Variants in PID1 observed in about 807,000 individuals in gnomAD.
PID1 encodes the protein phosphotyrosine interaction domain containing 1, also known as PTB-containing, cubilin and LRP1-interacting protein.
In PID1, 10 loss-of-function variants were observed where a neutral mutation model predicts 19.1. The observed-to-expected ratio is 0.52, with a 90% CI of 0.32 to 0.89. The LOEUF (loss-of-function observed/expected upper bound fraction) is 0.89. Ranked by LOEUF, PID1 falls within the 40% of genes least tolerant of loss-of-function variation. The pLI, the probability that PID1 is intolerant of heterozygous loss-of-function variation, is 0.03. For synonymous variants in PID1, 130 were observed against 116.0 expected, an observed-to-expected ratio of 1.12 and a Z score of -0.78; for missense variants, 248 against 285.3, an observed-to-expected ratio of 0.87 and a Z score of 0.94.
intron 2 of PID1, among the ~76,000 whole-genome samples, chr2:229,072,602 A>T (rs1303319386): frequency 6.6e-6 from 1 of 152,170 alleles, no homozygotes; most frequent in Non-Finnish European, 1.5e-5. Context: ...AAGAAAAAAA[A>T]AAAAAAGATA....
intron 1 of PID1, among the ~76,000 whole-genome samples, chr2:229,168,849 G>A (rs910499350): frequency 1.3e-5 from 2 of 152,154 alleles, no homozygotes; most frequent in Non-Finnish European, 2.9e-5. Context: ...GGGGTTTCAA[G>A]TCAATCTAGT....
At chr2:229,224,087 T>A (rs1692028574) in intron 1 of PID1, among the ~76,000 whole-genome samples, 1 of 152,248 alleles carries the variant, frequency 6.6e-6, no homozygotes, top group Non-Finnish European at 1.5e-5. Context: ...TCCAGCTGCA[T>A]CCATGTTGCT....
At chr2:229,044,889 T>G (rs549557022) in intron 2 of PID1, among the ~76,000 whole-genome samples, 1 of 152,182 alleles carries the variant, frequency 6.6e-6, no homozygotes, top group Non-Finnish European at 1.5e-5. Flanking sequence ...TAATTCTCCT[T>G]AACGTCCAAC....
chr2:229,028,134 T>A (rs1204967179), intron 2 of PID1, among the ~76,000 whole-genome samples: 1 of 152,172 alleles, frequency 6.6e-6, no homozygotes, highest in African/African-American at 2.4e-5. Flanking sequence ...AGGGTGAGTA[T>A]CCCTTAGATA....
intron 2 of PID1, 30 bp downstream of exon 2, chr2:229,155,788 G>A (rs1559260678): frequency 7.6e-6 from 12 of 1,581,530 alleles, no homozygotes; most frequent in African/African-American, 1.4e-5. Flanking sequence ...ATCTCACCAA[G>A]AGAACCCCTG....
At chr2:229,065,990 C>T (rs979973264) in intron 2 of PID1, among the ~76,000 whole-genome samples, 4 of 152,062 alleles carry the variant, frequency 2.6e-5, no homozygotes, top group Admixed American at 6.6e-5. Flanking sequence ...TTATATAATC[C>T]AAGGAAAGCC....
chr2:229,086,677 C>T (rs1694773921), intron 2 of PID1, among the ~76,000 whole-genome samples: 1 of 152,088 alleles, frequency 6.6e-6, no homozygotes, highest in African/African-American at 2.4e-5. Flanking sequence ...GGCAGTGAGA[C>T]AGAGGGTGGA....
intron 1 of PID1, among the ~76,000 whole-genome samples, chr2:229,240,349 T>A (rs963737562): frequency 1.3e-5 from 2 of 152,168 alleles, no homozygotes; most frequent in African/African-American, 4.8e-5. Flanking sequence ...TGACATCCTC[T>A]TCTTAGAACT....
At chr2:229,258,585 G>C (rs1559306185) in intron 1 of PID1, among the ~76,000 whole-genome samples, 2 of 152,178 alleles carry the variant, frequency 1.3e-5, no homozygotes, top group South Asian at 4.1e-4. Flanking sequence ...ATAGTTGACA[G>C]ATAATAAGCT....
In PID1 at chr2:229,263,960, A is replaced by G. The variant is rs575061463; in HGVS notation, c.30+7054T>C. On this transcript the variant is annotated intron_variant, in intron 1 of 2. Transcript: ENST00000392055. Reference sequence around the variant, plus strand: ...CTACTACTAAATAAGCCTGCAATGAATGGTAGCTGACATTTCTTGATTTTC... The same window carrying G: ...CTACTACTAAATAAGCCTGCAATGAGTGGTAGCTGACATTTCTTGATTTTC... Among the ~76,000 whole-genome samples the G allele has an allele frequency of 5.9e-5, 9 of 152,328 alleles. No homozygotes were observed. The South Asian group carries it at 1.9e-3, about 32-fold the overall frequency.
intron 2 of PID1, among the ~76,000 whole-genome samples, chr2:229,047,810 T>C (rs1693913924): frequency 6.6e-6 from 1 of 152,106 alleles, no homozygotes; most frequent in Non-Finnish European, 1.5e-5. Context: ...AGAAACAAAA[T>C]GGGATCTGAA....
chr2:229,065,918 G>A (rs1694316518), intron 2 of PID1, among the ~76,000 whole-genome samples: 1 of 152,086 alleles, frequency 6.6e-6, no homozygotes, highest in Non-Finnish European at 1.5e-5. Context: ...AACTATTGAT[G>A]TAAACATAGA....
chr2:229,067,205 G>A (rs1694346195), intron 2 of PID1, among the ~76,000 whole-genome samples: 1 of 152,044 alleles, frequency 6.6e-6, no homozygotes, highest in African/African-American at 2.4e-5. Context: ...GAACAGCATG[G>A]GGGTAACTGC....
At chr2:229,269,959 G>A (rs1690691877) in intron 1 of PID1, among the ~76,000 whole-genome samples, 1 of 152,152 alleles carries the variant, frequency 6.6e-6, no homozygotes, top group Admixed American at 6.5e-5. Context: ...TCCTCTGTAT[G>A]AGGACTCCTA....
At chr2:229,120,053 C>G (rs1695486028) in intron 2 of PID1, among the ~76,000 whole-genome samples, 1 of 152,326 alleles carries the variant, frequency 6.6e-6, no homozygotes, top group East Asian at 1.9e-4. Context: ...AGGTCACAGA[C>G]AGCAGACCGT....
At chr2:229,163,930 T>C (rs1019284012) in intron 1 of PID1, among the ~76,000 whole-genome samples, 4 of 152,198 alleles carry the variant, frequency 2.6e-5, no homozygotes, top group African/African-American at 9.7e-5. Context: ...ACTGCTTTGT[T>C]GTTAAAATTT....
intron 1 of PID1, among the ~76,000 whole-genome samples, chr2:229,226,922 T>A (rs976813887): frequency 2.0e-5 from 3 of 152,170 alleles, no homozygotes; most frequent in Non-Finnish European, 4.4e-5. Context: ...AATGGGGTGT[T>A]TAGAATTTTT....
At chr2:229,143,627 G>C (rs868031451) in intron 2 of PID1, among the ~76,000 whole-genome samples, 1 of 152,080 alleles carries the variant, frequency 6.6e-6, no homozygotes, top group African/African-American at 2.4e-5. Context: ...GATACGGTTT[G>C]GCTGTGTCCC....
intron 2 of PID1, among the ~76,000 whole-genome samples, chr2:229,109,145 A>G (rs559062657): frequency 2.6e-5 from 4 of 152,308 alleles, no homozygotes; most frequent in African/African-American, 9.6e-5. Flanking sequence ...TTAAATCCTT[A>G]AAGACATTTT....
Sources: gnomAD v4.1 joint callset for allele counts (sites outside exome capture counted in the v4.1 genomes callset) on GRCh38, gnomAD v4.1.1 for gene constraint, MANE v1.5 for transcripts, NCBI Gene and HGNC (gene_info 2026-07-23, HGNC 2026-07-21) for gene names.